Variants in PIGK observed in about 807,000 individuals in gnomAD.
The protein encoded by PIGK is phosphatidylinositol glycan anchor biosynthesis class K.
PIGK carries 42 observed loss-of-function variants against 50.6 expected under a neutral mutation model. The ratio of observed to expected loss-of-function variants is 0.83; its 90% confidence interval spans 0.65 to 1.07. PIGK has a LOEUF of 1.07. PIGK is among the 50% of genes least tolerant of loss of function. PIGK has a pLI of 0.00. For missense variants in PIGK, 448 were observed against 488.7 expected (o/e 0.92, Z 0.78); for synonymous variants, 151 against 156.0 (o/e 0.97, Z 0.24).
intron 1 of PIGK, among the ~76,000 whole-genome samples, chr1:77,212,124 T>A (rs1429967463): frequency 6.6e-6 from 1 of 152,096 alleles, no homozygotes; most frequent in Non-Finnish European, 1.5e-5. Context: ...ATATTTGCCA[T>A]CTCAAGACAC....
chr1:77,197,517 C>T (rs910228504), intron 3 of PIGK, among the ~76,000 whole-genome samples: 5 of 152,196 alleles, frequency 3.3e-5, no homozygotes, highest in East Asian at 3.8e-4. Flanking sequence ...AACTGCTAAA[C>T]TTCACAATCA....
At chr1:77,215,255 A>G (rs1313878480) in intron 1 of PIGK, among the ~76,000 whole-genome samples, 2 of 152,164 alleles carry the variant, frequency 1.3e-5, no homozygotes, top group Non-Finnish European at 2.9e-5. Context: ...CTAATTAAAA[A>G]CGAGCAAAGG....
intron 9 of PIGK, among the ~76,000 whole-genome samples, chr1:77,150,235 A>G (rs1448285723): frequency 7.9e-5 from 12 of 152,036 alleles, no homozygotes; most frequent in Admixed American, 7.9e-4. Flanking sequence ...AATAAGGATC[A>G]GACTGGGCGC....
At chr1:77,195,415 C>A in intron 3 of PIGK, 5 of 1,057,434 alleles carry the variant, frequency 4.7e-6, no homozygotes, top group Non-Finnish European at 5.4e-6. Context: ...GCTTAGGGTG[C>A]TCACTTCCTG....
At chr1:77,182,005 A>T (rs1449487441) in intron 3 of PIGK, among the ~76,000 whole-genome samples, 1 of 152,232 alleles carries the variant, frequency 6.6e-6, no homozygotes, top group Admixed American at 6.5e-5. Context: ...TTGAACAATT[A>T]GCATTCTTCG....
intron 3 of PIGK, among the ~76,000 whole-genome samples, chr1:77,178,645 T>C (rs891123392): frequency 6.6e-6 from 1 of 152,206 alleles, no homozygotes; most frequent in Non-Finnish European, 1.5e-5. Context: ...TTAGGTGATT[T>C]GGTTTATGGG....
chr1:77,124,054 A>C (rs1654167602), intron 9 of PIGK, among the ~76,000 whole-genome samples: 1 of 152,040 alleles, frequency 6.6e-6, no homozygotes, highest in Non-Finnish European at 1.5e-5. Flanking sequence ...CACGTCAAGG[A>C]GAGAGACCTT....
chr1:77,154,328 T>C (rs1654958760), intron 9 of PIGK, 121 bp downstream of exon 9: 1 of 646,014 alleles, frequency 1.5e-6, no homozygotes, highest in African/African-American at 1.8e-5. Flanking sequence ...AAGTGAAGAC[T>C]GGGTATAAAT....
At chr1:77,113,032 G>A (rs1218423207) in intron 10 of PIGK, among the ~76,000 whole-genome samples, 1 of 151,928 alleles carries the variant, frequency 6.6e-6, no homozygotes, top group Non-Finnish European at 1.5e-5. Flanking sequence ...TTCATATTTG[G>A]CATAGTTATA....
chr1:77,217,820 T>C (rs1175859273), intron 1 of PIGK, among the ~76,000 whole-genome samples: 4 of 152,188 alleles, frequency 2.6e-5, no homozygotes, highest in Non-Finnish European at 4.4e-5. Flanking sequence ...AGGTTATGCC[T>C]TTACTGTATC....
chr1:77,122,218 T>A, intron 10 of PIGK, 57 bp downstream of exon 10: 2 of 1,123,282 alleles, frequency 1.8e-6, no homozygotes, highest in Admixed American at 3.5e-5. Flanking sequence ...CAAAAGCAAT[T>A]ACTTCTCAGC....
At chr1:77,167,199 A>C (rs142844116) in intron 4 of PIGK, among the ~76,000 whole-genome samples, 170 of 152,272 alleles carry the variant, frequency 1.1e-3, no homozygotes, top group African/African-American at 3.9e-3. Context: ...AAAAATGTTT[A>C]AAATAGCCAG....
In PIGK at chr1:77,089,796, C is replaced by T. The variant is rs169216; in HGVS notation, c.*2578G>A. ...TCATAAACTGCAAATGAATGTCTTT[C>T]GTAATTTTAAAATCCACATTATTTG... is the stretch of plus-strand genomic sequence containing the variant. On this transcript the variant is annotated 3_prime_UTR_variant, in exon 11 of 11. Coordinates refer to ENST00000370812, the MANE Select transcript of PIGK (RefSeq NM_005482.3). 0.66 allele frequency: 100,812 copies of T among 152,582 alleles called. 33,974 individuals are homozygous for T. The highest frequency in any genetic ancestry group is 0.81 in the African/African-American group (33,574 of 41,530). 9.5% of individuals were successfully genotyped at this position (152,582 alleles called of 1,614,324 possible). A position where few individuals can be genotyped will look rare whatever the true frequency, so the allele number is the denominator to read the frequency against.
intron 3 of PIGK, among the ~76,000 whole-genome samples, chr1:77,198,442 T>C (rs979919365): frequency 7.2e-5 from 11 of 152,100 alleles, no homozygotes; most frequent in African/African-American, 2.6e-4. Context: ...CTTTTGAAGA[T>C]TAAAGAATGT....
chr1:77,130,094 C>T (rs914915152), intron 9 of PIGK, among the ~76,000 whole-genome samples: 7 of 149,614 alleles, frequency 4.7e-5, no homozygotes, highest in Admixed American at 1.3e-4. Context: ...TAATATGTGG[C>T]GTTATTTCGA....
chr1:77,120,184 GTATTACTGTTCTCT>G (rs1235515403), intron 10 of PIGK, among the ~76,000 whole-genome samples: 1 of 152,102 alleles, frequency 6.6e-6, no homozygotes, highest in African/African-American at 2.4e-5. Context: ...ATTATCACAT[GTATTACTGTTCTCT>G]TAGGAAAAAA....
chr1:77,169,411 C>A lies in PIGK; in HGVS notation c.240-16G>T, dbSNP rs1557812640. 1 of 1,561,184 alleles carries A rather than the reference C, an allele frequency of 6.4e-7. No homozygotes were observed. Among genetic ancestry groups the A allele is most frequent in the Non-Finnish European group, 8.7e-7 (1 of 1,150,802 alleles). ...GACAATGTGACTAGGGAAAAAAAAT[C>A]CAGTAAATATATAATTTAGATAAAA... On this transcript the variant is annotated splice_polypyrimidine_tract_variant and intron_variant, in intron 3 of 10. Transcript: ENST00000370812.
chr1:77,154,992 C>T (rs980248185), intron 8 of PIGK, among the ~76,000 whole-genome samples: 24 of 152,142 alleles, frequency 1.6e-4, no homozygotes, highest in African/African-American at 5.6e-4. Context: ...CAGTGTTCTA[C>T]TAGAATGGTT....
At chr1:77,131,822 T>C (rs147567133) in intron 9 of PIGK, among the ~76,000 whole-genome samples, 5 of 152,094 alleles carry the variant, frequency 3.3e-5, no homozygotes, top group Admixed American at 6.5e-5. Flanking sequence ...ACATCTGTGA[T>C]CACAAGTGAG....
Sources: gnomAD v4.1 joint callset for allele counts (sites outside exome capture counted in the v4.1 genomes callset) on GRCh38, gnomAD v4.1.1 for gene constraint, MANE v1.5 for transcripts, NCBI Gene and HGNC (gene_info 2026-07-23, HGNC 2026-07-21) for gene names.